SLC25A26: variants seen among roughly 807,000 people sequenced by gnomAD.
The protein encoded by SLC25A26 is mitochondrial S-adenosylmethionine carrier protein.
In SLC25A26, 36 loss-of-function variants were observed where a neutral mutation model predicts 37.8. That is an observed-to-expected ratio of 0.95 (90% CI 0.73 to 1.26). SLC25A26 has a LOEUF of 1.26. Ranked by LOEUF, SLC25A26 falls within the 50% of genes most tolerant of loss-of-function variation. The probability of loss-of-function intolerance (pLI) is 0.00; values close to 1 mark genes in which losing one functional copy is unlikely to be tolerated. For synonymous variants in SLC25A26, 129 were observed against 122.5 expected (o/e 1.05, Z -0.35); for missense variants, 390 against 331.1 (o/e 1.18, Z -1.38).
intron 5 of SLC25A26, among the ~76,000 whole-genome samples, chr3:66,322,377 T>C (rs150519203): frequency 1.3e-5 from 2 of 152,352 alleles, no homozygotes; most frequent in African/African-American, 4.8e-5. Flanking sequence ...TCATATTTTC[T>C]AGTTTATGGG....
chr3:66,191,088 A>C (rs2070933228), intron 1 of SLC25A26, among the ~76,000 whole-genome samples: 1 of 152,104 alleles, frequency 6.6e-6, no homozygotes, highest in African/African-American at 2.4e-5. Context: ...GGGTAAACTG[A>C]GATGGACATA....
intron 1 of SLC25A26, among the ~76,000 whole-genome samples, chr3:66,180,614 G>A (rs563660936): frequency 3.3e-5 from 5 of 152,262 alleles, no homozygotes; most frequent in African/African-American, 1.2e-4. Flanking sequence ...GGCATTATGG[G>A]AGAGCAAGTT....
chr3:66,258,930 A>G (rs2107258632), intron 3 of SLC25A26, among the ~76,000 whole-genome samples: 1 of 151,954 alleles, frequency 6.6e-6, no homozygotes, highest in African/African-American at 2.4e-5. Context: ...TAACACTTAC[A>G]GAACATCTCA....
chr3:66,230,485 G>A (rs188687529), intron 1 of SLC25A26, among the ~76,000 whole-genome samples: 38 of 152,062 alleles, frequency 2.5e-4, no homozygotes, highest in African/African-American at 8.4e-4. Context: ...TTTGCTGGCT[G>A]CAATAGGCAG....
At chr3:66,347,080 A>G (rs192977203) in intron 6 of SLC25A26, among the ~76,000 whole-genome samples, 1 of 152,318 alleles carries the variant, frequency 6.6e-6, no homozygotes, top group Admixed American at 6.5e-5. Flanking sequence ...TTTCATGACG[A>G]AAACATCAAA....
chr3:66,282,320 A>G (rs551480819), intron 5 of SLC25A26, among the ~76,000 whole-genome samples: 2 of 151,958 alleles, frequency 1.3e-5, no homozygotes, highest in South Asian at 2.1e-4. Flanking sequence ...CTGATTTTGC[A>G]TTTTTAGTAG....
intron 5 of SLC25A26, among the ~76,000 whole-genome samples, chr3:66,316,973 TA>T (rs1320381822): frequency 6.6e-6 from 1 of 152,234 alleles, no homozygotes; most frequent in African/African-American, 2.4e-5. Context: ...TGTTCATCTC[TA>T]AACTGGTTAT....
At chr3:66,166,891 T>C (rs928818334) in intron 1 of SLC25A26, among the ~76,000 whole-genome samples, 3 of 152,128 alleles carry the variant, frequency 2.0e-5, no homozygotes, top group Non-Finnish European at 4.4e-5. Context: ...AGGGACCCAG[T>C]TGTGGGAGGT....
intron 1 of SLC25A26, among the ~76,000 whole-genome samples, chr3:66,182,220 G>A (rs189615275): frequency 2.6e-5 from 4 of 152,268 alleles, no homozygotes; most frequent in Admixed American, 2.6e-4. Context: ...ATGACAGCCT[G>A]AGGAAGTTTG....
chr3:66,250,069 C>G (rs540460590), intron 3 of SLC25A26, among the ~76,000 whole-genome samples: 1 of 152,350 alleles, frequency 6.6e-6, no homozygotes, highest in African/African-American at 2.4e-5. Context: ...TCCTTCTTAG[C>G]AACCCTAAAC....
At chr3:66,220,985 C>A, upstream of SLC25A26, 1 of 1,183,692 alleles carries the variant, frequency 8.4e-7, no homozygotes, top group African/African-American at 1.5e-5. Context: ...GTCACGTGGT[C>A]CCGGAAGTTC....
intron 1 of SLC25A26, among the ~76,000 whole-genome samples, chr3:66,209,931 T>C (rs2071261106): frequency 2.9e-5 from 2 of 68,118 alleles, no homozygotes; most frequent in African/African-American, 1.2e-4. Context: ...TATATATATA[T>C]ATATATATAT....
At chr3:66,246,472 T>C (rs891697270) in intron 3 of SLC25A26, among the ~76,000 whole-genome samples, 1 of 152,240 alleles carries the variant, frequency 6.6e-6, no homozygotes, top group Non-Finnish European at 1.5e-5. Context: ...TATATTCTGA[T>C]GCTCCTAGTA....
intron 1 of SLC25A26, among the ~76,000 whole-genome samples, chr3:66,209,357 C>G (rs1371210716): frequency 2.3e-5 from 3 of 132,132 alleles, no homozygotes; most frequent in African/African-American, 8.3e-5. Flanking sequence ...GTATATATAT[C>G]TGTATGTATA....
intron 7 of SLC25A26, among the ~76,000 whole-genome samples, chr3:66,364,154 C>T (rs958083620): frequency 1.3e-5 from 2 of 152,118 alleles, no homozygotes; most frequent in Non-Finnish European, 2.9e-5. Flanking sequence ...GAAATAAGAA[C>T]ATATTCTCTG....
chr3:66,331,042 C>G (rs2075961894), intron 5 of SLC25A26, among the ~76,000 whole-genome samples: 1 of 151,948 alleles, frequency 6.6e-6, no homozygotes, highest in Non-Finnish European at 1.5e-5. Context: ...TGGAAACTAT[C>G]TCTTCTTTTA....
chr3:66,351,306 G>A (rs778847716), intron 6 of SLC25A26, among the ~76,000 whole-genome samples: 11 of 152,096 alleles, frequency 7.2e-5, no homozygotes, highest in Non-Finnish European at 1.5e-4. Context: ...GCTTACAAAA[G>A]TATGTTTTAG....
chr3:66,166,079 A>T (rs1461878341), intron 1 of SLC25A26, among the ~76,000 whole-genome samples: 2 of 152,096 alleles, frequency 1.3e-5, no homozygotes, highest in Non-Finnish European at 2.9e-5. Context: ...TAAATTCTTG[A>T]TTCTGGCTTA....
intron 2 of SLC25A26, among the ~76,000 whole-genome samples, chr3:66,238,138 A>G (rs1479343482): frequency 6.6e-6 from 1 of 152,148 alleles, no homozygotes; most frequent in Non-Finnish European, 1.5e-5. Context: ...GGGTTCCCCA[A>G]TTTGTCCACT....
Sources: allele counts gnomAD v4.1 joint callset (sites outside exome capture counted in the v4.1 genomes callset), GRCh38; gene constraint gnomAD v4.1.1; transcripts MANE v1.5; gene names NCBI Gene and HGNC (gene_info 2026-07-23, HGNC 2026-07-21).